The following TENM3 variants were observed in gnomAD, a reference collection of about 807,000 sequenced individuals.
The protein encoded by TENM3 is teneurin transmembrane protein 3.
A neutral mutation model predicts 255.1 loss-of-function variants in TENM3; 63 were observed. The ratio of observed to expected loss-of-function variants is 0.25; its 90% CI spans 0.20 to 0.30. TENM3 has a LOEUF of 0.30. Ranked by LOEUF, TENM3 falls within the 10% of genes least tolerant of loss-of-function variation. The pLI is 1.00. For missense variants in TENM3, 2,929 were observed against 3,461.1 expected (o/e 0.85, Z 3.86); for synonymous variants, 1,306 against 1,322.3 (o/e 0.99, Z 0.27).
At chr4:181,888,360 A>G in the TENM3 span, among the ~76,000 whole-genome samples, 2 of 150,786 alleles carry the variant, frequency 1.3e-5, no homozygotes, top group African/African-American at 2.4e-5. Context: ...TCATTTCCCA[A>G]CCTGCACCCA....
intron 12 of TENM3, among the ~76,000 whole-genome samples, chr4:182,713,459 T>C (rs776601004): frequency 1.3e-5 from 2 of 152,248 alleles, no homozygotes; most frequent in Non-Finnish European, 2.9e-5. Flanking sequence ...GCTTATTCTG[T>C]GACAAGGAAT....
intron 3 of TENM3, 108 bp from the exon 4 acceptor site, chr4:182,600,816 T>A (rs1186733406): frequency 1.8e-6 from 1 of 542,278 alleles, no homozygotes; most frequent in Admixed American, 3.7e-5. Flanking sequence ...ATGCAGTTTT[T>A]AATTCTAATT....
At chr4:182,388,549 T>G (rs1331286136) in intron 3 of TENM3, among the ~76,000 whole-genome samples, 2 of 152,206 alleles carry the variant, frequency 1.3e-5, no homozygotes, top group Non-Finnish European at 2.9e-5. Flanking sequence ...TGCAGGAGGC[T>G]ATGCAGCAAC....
intron 18 of TENM3, among the ~76,000 whole-genome samples, chr4:182,742,395 T>C (rs1027534088): frequency 1.3e-5 from 2 of 152,224 alleles, no homozygotes; most frequent in Admixed American, 6.5e-5. Context: ...ATTGGCCTTC[T>C]ACAACAGTTT....
intron 3 of TENM3, among the ~76,000 whole-genome samples, chr4:182,391,113 A>C (rs947984241): frequency 6.6e-6 from 1 of 152,210 alleles, no homozygotes; most frequent in African/African-American, 2.4e-5. Context: ...TTACCTTTAC[A>C]GACTTTTATA....
intron 3 of TENM3, among the ~76,000 whole-genome samples, chr4:182,498,277 T>G (rs1355833623): frequency 6.6e-6 from 1 of 152,172 alleles, no homozygotes; most frequent in African/African-American, 2.4e-5. Flanking sequence ...GTAAGTGTTT[T>G]GATGTTGGTA....
At chr4:181,799,669 T>G in the TENM3 span, among the ~76,000 whole-genome samples, 13 of 152,194 alleles carry the variant, frequency 8.5e-5, no homozygotes, top group African/African-American at 3.1e-4. Context: ...AGAAAGAGGC[T>G]AGCGCATTAA....
At chr4:181,668,521 C>T in the TENM3 span, among the ~76,000 whole-genome samples, 1 of 152,270 alleles carries the variant, frequency 6.6e-6, no homozygotes, top group Non-Finnish European at 1.5e-5. Flanking sequence ...TCCTAGCTTC[C>T]AGTGGTTCCT....
the TENM3 span, among the ~76,000 whole-genome samples, chr4:181,661,608 G>A: frequency 1.3e-5 from 2 of 152,088 alleles, no homozygotes; most frequent in Middle Eastern, 3.2e-3. Context: ...AGCCCCTACT[G>A]AATTGCGAGC....
the TENM3 span, among the ~76,000 whole-genome samples, chr4:181,782,115 C>G: frequency 6.6e-6 from 1 of 152,018 alleles, no homozygotes; most frequent in African/African-American, 2.4e-5. Flanking sequence ...GCTTTGGTAT[C>G]AGGATGATGC....
At chr4:181,868,417 T>C in the TENM3 span, among the ~76,000 whole-genome samples, 2 of 152,126 alleles carry the variant, frequency 1.3e-5, no homozygotes, top group African/African-American at 4.8e-5. Flanking sequence ...GAAGGCCAAG[T>C]GATTTTCTAT....
At chr4:182,146,957 C>A (rs1036756566) in intron 1 of TENM3, among the ~76,000 whole-genome samples, 1 of 152,016 alleles carries the variant, frequency 6.6e-6, no homozygotes, top group African/African-American at 2.4e-5. Context: ...TGTCATCAGT[C>A]TTTTGGTTAG....
the TENM3 span, among the ~76,000 whole-genome samples, chr4:181,543,978 T>A: frequency 1.3e-5 from 2 of 152,188 alleles, no homozygotes; most frequent in Non-Finnish European, 2.9e-5. Flanking sequence ...ATGGGTCCAT[T>A]CGCTGAACTG....
chr4:182,632,716 T>C (rs1751489675), intron 5 of TENM3, among the ~76,000 whole-genome samples: 1 of 152,192 alleles, frequency 6.6e-6, no homozygotes, highest in Admixed American at 6.5e-5. Context: ...CCATATTTCA[T>C]TCACAAGTTT....
the TENM3 span, among the ~76,000 whole-genome samples, chr4:182,100,407 G>A: frequency 8.3e-3 from 1,169 of 140,248 alleles, 20 homozygotes; most frequent in African/African-American, 0.028. Flanking sequence ...TTAACGACCA[G>A]CCTCGGTAAC....
the TENM3 span, among the ~76,000 whole-genome samples, chr4:181,992,799 G>A: frequency 7.9e-5 from 12 of 152,064 alleles, no homozygotes; most frequent in Non-Finnish European, 2.9e-5. Flanking sequence ...AATAATGGGA[G>A]AAATGCAAAC....
At chr4:182,197,664 A>T (rs1012871256) in intron 1 of TENM3, among the ~76,000 whole-genome samples, 1 of 152,230 alleles carries the variant, frequency 6.6e-6, no homozygotes, top group African/African-American at 2.4e-5. Flanking sequence ...TAAATGGTTT[A>T]AATAGTGACA....
At chr4:181,856,592 T>G in the TENM3 span, among the ~76,000 whole-genome samples, 18 of 152,208 alleles carry the variant, frequency 1.2e-4, no homozygotes, top group Non-Finnish European at 2.4e-4. Flanking sequence ...TAGTGCCGAA[T>G]TGTTTCTAAC....
At chr4:181,686,127 T>G in the TENM3 span, among the ~76,000 whole-genome samples, 3 of 152,100 alleles carry the variant, frequency 2.0e-5, no homozygotes, top group Admixed American at 6.6e-5. Context: ...CGAAGTGTAA[T>G]AAACAATGAC....
Sources: gnomAD v4.1 joint callset for allele counts (sites outside exome capture counted in the v4.1 genomes callset) on GRCh38, gnomAD v4.1.1 for gene constraint, MANE v1.5 for transcripts, NCBI Gene and HGNC (gene_info 2026-07-23, HGNC 2026-07-21) for gene names.